Variants in HEG1 observed in about 807,000 individuals in gnomAD.
HEG1 encodes the protein heart development protein with EGF like domains 1.
In HEG1, 56 loss-of-function variants were observed where a neutral mutation model predicts 125.6. The ratio of observed to expected loss-of-function variants is 0.45; its 90% confidence interval spans 0.36 to 0.56. The LOEUF is 0.56. HEG1 is among the 20% of genes least tolerant of loss of function. The pLI is 0.00. For synonymous variants in HEG1, 644 were observed against 668.5 expected (o/e 0.96, Z 0.57); for missense variants, 1,523 against 1,670.0 (o/e 0.91, Z 1.53).
At chr3:124,971,287 G>A (rs903306770) in intron 16 of HEG1, 29 of 410,004 alleles carry the variant, frequency 7.1e-5, no homozygotes, top group African/African-American at 1.4e-4. Context: ...TCACCTGGAC[G>A]ACACCTGAGC....
Position 125,010,505 on chromosome 3 carries a change from C to T in HEG1, c.3007G>A (p.Asp1003Asn). The T allele has an allele frequency of 6.4e-7, 1 of 1,560,536 alleles. No individual in the cohort carries two copies. The highest frequency in any genetic ancestry group is 8.7e-7 in the Non-Finnish European group (1 of 1,151,708). Reference protein sequence around the residue: ...PCLHNGECVADNTSRGYHCRC... With the variant: ...PCLHNGECVANNTSRGYHCRC... The stretch of plus-strand genomic sequence containing the variant: ...CAGTGGTAGCCACGGCTGGTGTTGT[C>T]TGCGACGCATTCGCCATTGTGAAGA... Residue 1003 changes from aspartate (D) to asparagine (N), a missense_variant, in exon 7 of 17, where the codon GAC becomes AAC. Asp to Asn is a conservative substitution (Grantham distance 23). Coordinates refer to ENST00000311127, the MANE Select transcript of HEG1 (RefSeq NM_020733.2).
At chr3:125,016,539 G>A (rs899178550) in intron 5 of HEG1, among the ~76,000 whole-genome samples, 4 of 152,182 alleles carry the variant, frequency 2.6e-5, no homozygotes, top group Admixed American at 2.0e-4. Flanking sequence ...CCCCACAGTA[G>A]TGAGGGTGAA....
intron 5 of HEG1, chr3:125,014,623 T>C: frequency 9.2e-7 from 1 of 1,092,726 alleles, no homozygotes; most frequent in Non-Finnish European, 1.2e-6. Context: ...CTTTCTGGCT[T>C]GACAGCTAAC....
chr3:125,030,028 TAGAA>T (rs1937475793), intron 1 of HEG1, among the ~76,000 whole-genome samples: 1 of 152,200 alleles, frequency 6.6e-6, no homozygotes, highest in Admixed American at 6.5e-5. Flanking sequence ...AATTTATTGA[TAGAA>T]AGAGATCAAC....
chr3:125,055,008 T>C (rs1440879922), intron 1 of HEG1, among the ~76,000 whole-genome samples: 1 of 152,192 alleles, frequency 6.6e-6, no homozygotes, highest in Non-Finnish European at 1.5e-5. Context: ...GGGATGGTCC[T>C]GTATCAGCCT....
intron 11 of HEG1, 96 bp from the exon 12 acceptor site, chr3:124,997,919 A>C: frequency 1.5e-6 from 2 of 1,307,692 alleles, no homozygotes; most frequent in South Asian, 1.9e-5. Context: ...GTCTGCATGA[A>C]CTCTCTATTT....
intron 16 of HEG1, chr3:124,971,080 G>C: frequency 1.8e-6 from 1 of 541,090 alleles, no homozygotes; most frequent in Non-Finnish European, 3.5e-6. Context: ...TGCAGGTGGA[G>C]TTAGGACCCC....
rs563282388 is a variant in HEG1 at position 125,009,875 on chromosome 3, A to T, written c.3074-51T>A. On this transcript the variant is annotated intron_variant, in intron 7 of 16. Transcript: ENST00000311127. ...TCTTGCATCTGTAGCAAACAGCAAA[A>T]CCATAACCCAGTGTAGTAAGTACTT... 3.8e-6 allele frequency: 6 copies of T among 1,560,870 alleles called. No homozygotes were observed. In the African/African-American group the frequency reaches 8.1e-5, roughly 21 times the overall value.
At chr3:124,974,814 A>G (rs1241707744) in intron 15 of HEG1, among the ~76,000 whole-genome samples, 1 of 152,222 alleles carries the variant, frequency 6.6e-6, no homozygotes, top group East Asian at 1.9e-4. Context: ...CCAAATGTCT[A>G]GCATGTGGCT....
chr3:125,051,569 A>C (rs2333036), intron 1 of HEG1, among the ~76,000 whole-genome samples: 1 of 152,088 alleles, frequency 6.6e-6, no homozygotes, highest in Admixed American at 6.5e-5. Context: ...TGTTTTGAGG[A>C]TTAAATGGAT....
In HEG1 at chr3:125,012,832, G is replaced by C. The variant is rs1406214664; in HGVS notation, c.2747C>G (p.Pro916Arg). 1.2e-6 allele frequency: 2 copies of C among 1,613,988 alleles called. No homozygotes were observed. Among genetic ancestry groups the C allele is most frequent in the South Asian group, 1.1e-5 (1 of 91,076 alleles). The change falls in exon 6 of 17, where the codon CCT becomes CGT. Residue 916 changes from proline (P) to arginine (R), a missense_variant. Coordinates refer to ENST00000311127, the MANE Select transcript of HEG1 (RefSeq NM_020733.2). ...VIVDATTGLI[P>R]LTSVPTSAKE... is the part of the protein sequence containing the mutation. The stretch of plus-strand genomic sequence containing the variant: ...TGCTGATGTGGGTACACTGGTCAAA[G>C]GGATCAATCCAGTGGTAGCATCCAC...
intron 12 of HEG1, among the ~76,000 whole-genome samples, chr3:124,991,907 G>A (rs1361345269): frequency 3.3e-5 from 5 of 152,208 alleles, no homozygotes; most frequent in Non-Finnish European, 5.9e-5. Context: ...ACCATGTCAG[G>A]CATGTAGTTG....
chr3:124,979,388 G>C (rs920657368), intron 14 of HEG1, among the ~76,000 whole-genome samples: 1 of 152,196 alleles, frequency 6.6e-6, no homozygotes, highest in African/African-American at 2.4e-5. Flanking sequence ...CATCAACCAT[G>C]CTAGGGACTG....
At chr3:124,979,403 GCTC>G (rs1936610013) in intron 14 of HEG1, among the ~76,000 whole-genome samples, 1 of 152,198 alleles carries the variant, frequency 6.6e-6, no homozygotes, top group African/African-American at 2.4e-5. Context: ...GGACTGAGTA[GCTC>G]CTCAATAGAT....
intron 1 of HEG1, among the ~76,000 whole-genome samples, chr3:125,054,752 C>T (rs760056066): frequency 6.6e-6 from 1 of 152,218 alleles, no homozygotes; most frequent in African/African-American, 2.4e-5. Flanking sequence ...CTAGAAGGAA[C>T]AGGGATCATC....
At chr3:125,044,293 T>C (rs966018397) in intron 1 of HEG1, among the ~76,000 whole-genome samples, 2 of 152,004 alleles carry the variant, frequency 1.3e-5, no homozygotes, top group African/African-American at 4.8e-5. Context: ...TTTCAAAAAA[T>C]CAGTTGTATG....
intron 16 of HEG1, among the ~76,000 whole-genome samples, chr3:124,973,236 T>A (rs2107685672): frequency 6.6e-6 from 1 of 152,232 alleles, no homozygotes; most frequent in South Asian, 2.1e-4. Context: ...GATTTCACCA[T>A]GTTGCCCAGG....
intron 1 of HEG1, among the ~76,000 whole-genome samples, chr3:125,044,124 C>T (rs1937626397): frequency 6.6e-6 from 1 of 152,194 alleles, no homozygotes; most frequent in African/African-American, 2.4e-5. Context: ...GATGTTTCAG[C>T]ACCAAGGGCT....
chr3:124,991,623 A>G (rs550671248), intron 12 of HEG1, among the ~76,000 whole-genome samples: 1 of 151,882 alleles, frequency 6.6e-6, no homozygotes, highest in South Asian at 2.1e-4. Flanking sequence ...TGTAATTATT[A>G]TTACTTTTTG....
Sources: gnomAD v4.1 joint callset for allele counts (sites outside exome capture counted in the v4.1 genomes callset) on GRCh38, gnomAD v4.1.1 for gene constraint, MANE v1.5 for transcripts, NCBI Gene and HGNC (gene_info 2026-07-23, HGNC 2026-07-21) for gene names.